ROBO2: variants seen among roughly 807,000 people sequenced by gnomAD.
ROBO2 encodes the protein roundabout homolog 2.
ROBO2 carries 53 observed loss-of-function variants against 160.8 expected under a neutral mutation model. The ratio of observed to expected loss-of-function variants is 0.33; its 90% CI spans 0.26 to 0.41. The LOEUF (loss-of-function observed/expected upper bound fraction) is 0.41. ROBO2 is among the 10% of genes least tolerant of loss of function. The pLI is 1.00. For missense variants in ROBO2, 1,577 were observed against 1,722.4 expected (o/e 0.92, Z 1.49); for synonymous variants, 664 against 611.7 (o/e 1.09, Z -1.26).
At chr3:77,474,590 A>T (rs1384682794) in intron 2 of ROBO2, among the ~76,000 whole-genome samples, 2 of 152,042 alleles carry the variant, frequency 1.3e-5, no homozygotes, top group Admixed American at 6.5e-5. Context: ...TTCTTTTGAC[A>T]TACGTGTCAA....
chr3:76,805,911 A>T (rs1319523137), intron 2 of ROBO2, among the ~76,000 whole-genome samples: 1 of 151,912 alleles, frequency 6.6e-6, no homozygotes, highest in East Asian at 1.9e-4. Flanking sequence ...TTGATGTGAA[A>T]TCAATTTCCT....
At chr3:77,334,784 G>A (rs1367234640) in intron 2 of ROBO2, among the ~76,000 whole-genome samples, 1 of 152,030 alleles carries the variant, frequency 6.6e-6, no homozygotes, top group African/African-American at 2.4e-5. Flanking sequence ...CTGCCACTAA[G>A]GTACCACTTA....
intron 2 of ROBO2, among the ~76,000 whole-genome samples, chr3:77,183,494 A>C (rs2080992252): frequency 6.6e-6 from 1 of 152,078 alleles, no homozygotes; most frequent in Non-Finnish European, 1.5e-5. Flanking sequence ...AAATTAGAAC[A>C]CAAACACACA....
intron 2 of ROBO2, among the ~76,000 whole-genome samples, chr3:76,825,603 C>CA (rs201063990): frequency 0.11 from 8,076 of 71,670 alleles, 926 homozygotes; most frequent in African/African-American, 0.12. Context: ...TCATCTTAGC[C>CA]AAAAAAAAAA....
intron 2 of ROBO2, among the ~76,000 whole-genome samples, chr3:76,288,055 A>AT (rs988310548): frequency 6.6e-6 from 1 of 152,144 alleles, no homozygotes; most frequent in African/African-American, 2.4e-5. Flanking sequence ...ATGTGAGATT[A>AT]TTTTTTTCTA....
chr3:77,398,835 T>C (rs1193388802), intron 2 of ROBO2, among the ~76,000 whole-genome samples: 2 of 152,126 alleles, frequency 1.3e-5, no homozygotes, highest in Non-Finnish European at 2.9e-5. Context: ...TCCACCTGCC[T>C]CAGCCTCCCA....
At chr3:76,718,532 T>G in intron 2 of ROBO2, among the ~76,000 whole-genome samples, 1 of 152,150 alleles carries the variant, frequency 6.6e-6, no homozygotes, top group Admixed American at 6.5e-5. Flanking sequence ...TTGGAACAAT[T>G]TACTGAAAGA....
At chr3:76,718,480 T>G (rs1456307631) in intron 2 of ROBO2, among the ~76,000 whole-genome samples, 1 of 152,224 alleles carries the variant, frequency 6.6e-6, no homozygotes, top group Non-Finnish European at 1.5e-5. Flanking sequence ...CCTTCACCCT[T>G]TCTTAGTTGA....
intron 2 of ROBO2, among the ~76,000 whole-genome samples, chr3:76,343,501 T>C (rs944305936): frequency 6.6e-6 from 1 of 151,884 alleles, no homozygotes; most frequent in African/African-American, 2.4e-5. Context: ...GAATATAACC[T>C]ATAAATCAGA....
chr3:76,717,275 C>T (rs1229949946), intron 2 of ROBO2, among the ~76,000 whole-genome samples: 1 of 151,756 alleles, frequency 6.6e-6, no homozygotes, highest in Non-Finnish European at 1.5e-5. Flanking sequence ...GGGTGGATCA[C>T]GAGGTCAGGA....
chr3:76,117,813 T>C (rs548650205), intron 2 of ROBO2, among the ~76,000 whole-genome samples: 72 of 152,308 alleles, frequency 4.7e-4, no homozygotes, highest in African/African-American at 1.7e-3. Flanking sequence ...ATCATATATG[T>C]TTTATAAGTT....
chr3:76,094,091 A>C (rs2069340870), intron 2 of ROBO2, among the ~76,000 whole-genome samples: 1 of 152,104 alleles, frequency 6.6e-6, no homozygotes, highest in Non-Finnish European at 1.5e-5. Flanking sequence ...GAATAGGGGA[A>C]TGTGCTGGAA....
intron 2 of ROBO2, among the ~76,000 whole-genome samples, chr3:76,271,001 CTT>C (rs1359790664): frequency 6.6e-6 from 1 of 152,048 alleles, no homozygotes; most frequent in Non-Finnish European, 1.5e-5. Context: ...ACTTGGTAAA[CTT>C]TATACCTATA....
intron 2 of ROBO2, among the ~76,000 whole-genome samples, chr3:76,918,749 T>C (rs2076481113): frequency 1.3e-5 from 2 of 152,234 alleles, no homozygotes; most frequent in Admixed American, 1.3e-4. Flanking sequence ...TTTGAATGTC[T>C]TCCACAATGG....
chr3:77,629,512 G>A (rs533832834), intron 23 of ROBO2: 3 of 152,226 alleles, frequency 2.0e-5, no homozygotes, highest in South Asian at 2.1e-4. Flanking sequence ...CATTAAGATG[G>A]ATAAATGAGG....
chr3:76,645,320 G>A (rs554030805), intron 2 of ROBO2, among the ~76,000 whole-genome samples: 1 of 152,236 alleles, frequency 6.6e-6, no homozygotes, highest in South Asian at 2.1e-4. Flanking sequence ...TATTACAGAT[G>A]AATTGGAAAC....
chr3:76,868,403 T>C (rs145273648), intron 2 of ROBO2, among the ~76,000 whole-genome samples: 2 of 152,328 alleles, frequency 1.3e-5, no homozygotes, highest in Admixed American at 1.3e-4. Context: ...TGACCACAGA[T>C]TGTCTCTTTG....
intron 2 of ROBO2, among the ~76,000 whole-genome samples, chr3:76,957,202 A>G (rs1262511869): frequency 2.0e-5 from 3 of 151,962 alleles, no homozygotes; most frequent in African/African-American, 7.2e-5. Context: ...TGAATCGTTT[A>G]TCTGTACTGT....
intron 8 of ROBO2, among the ~76,000 whole-genome samples, chr3:77,554,553 T>C (rs543586856): frequency 4.1e-4 from 63 of 151,968 alleles, no homozygotes; most frequent in Non-Finnish European, 8.4e-4. Flanking sequence ...ATTTATGATT[T>C]ATGGGAGGAG....
Sources: allele counts gnomAD v4.1 joint callset (sites outside exome capture counted in the v4.1 genomes callset), GRCh38; gene constraint gnomAD v4.1.1; transcripts MANE v1.5; gene names NCBI Gene and HGNC (gene_info 2026-07-23, HGNC 2026-07-21).